The following RALGPS2 variants were observed in gnomAD, a reference collection of about 807,000 sequenced individuals.
The protein encoded by RALGPS2 is Ral GEF with PH domain and SH3 binding motif 2.
A neutral mutation model predicts 86.8 loss-of-function variants in RALGPS2; 43 were observed. The observed-to-expected ratio is 0.50, with a 90% CI of 0.39 to 0.64. The LOEUF (loss-of-function observed/expected upper bound fraction) is 0.64, where lower values mean the gene tolerates loss of function less well. RALGPS2 is among the 30% of genes least tolerant of loss of function. RALGPS2 has a pLI of 0.00. For synonymous variants in RALGPS2, 243 were observed against 231.3 expected (o/e 1.05, Z -0.46); for missense variants, 536 against 694.6 (o/e 0.77, Z 2.57).
intron 8 of RALGPS2, among the ~76,000 whole-genome samples, chr1:178,872,350 CAAGAAGA>C (rs1658804560): frequency 6.6e-6 from 1 of 152,146 alleles, no homozygotes; most frequent in Non-Finnish European, 1.5e-5. Flanking sequence ...CAAATGCTCA[CAAGAAGA>C]ATGGAGCAGG....
chr1:178,776,847 TAA>T, intron 2 of RALGPS2, 26 bp downstream of exon 2: 1 of 1,590,756 alleles, frequency 6.3e-7, no homozygotes, highest in Non-Finnish European at 8.6e-7. Context: ...AGCTTGGGTG[TAA>T]AGTTTCTTAC....
intron 4 of RALGPS2, among the ~76,000 whole-genome samples, chr1:178,794,321 T>C (rs1022865614): frequency 6.6e-6 from 1 of 152,182 alleles, no homozygotes; most frequent in Non-Finnish European, 1.5e-5. Flanking sequence ...TTTCACCATG[T>C]TGGCCAGGCT....
intron 19 of RALGPS2, among the ~76,000 whole-genome samples, chr1:178,910,826 AG>A (rs1417418556): frequency 6.6e-6 from 1 of 152,164 alleles, no homozygotes; most frequent in Non-Finnish European, 1.5e-5. Context: ...GAATATTTTC[AG>A]TAGGATTGGT....
intron 8 of RALGPS2, among the ~76,000 whole-genome samples, chr1:178,866,526 T>A (rs940923493): frequency 2.0e-5 from 3 of 152,196 alleles, no homozygotes; most frequent in Non-Finnish European, 2.9e-5. Flanking sequence ...AGCTTATAGA[T>A]AATTCAGCAG....
chr1:178,757,782 G>T (rs1405885927), intron 1 of RALGPS2, among the ~76,000 whole-genome samples: 1 of 152,132 alleles, frequency 6.6e-6, no homozygotes, highest in Non-Finnish European at 1.5e-5. Context: ...CCAGGTTTTG[G>T]TATCAAGGTG....
chr1:178,765,918 G>A (rs369112113), intron 1 of RALGPS2, among the ~76,000 whole-genome samples: 107 of 152,304 alleles, frequency 7.0e-4, no homozygotes, highest in Middle Eastern at 3.4e-3. Flanking sequence ...CCTGAACATC[G>A]CTGTTATCCT....
chr1:178,747,421 A>G, intron 1 of RALGPS2: 1 of 1,568,494 alleles, frequency 6.4e-7, no homozygotes, highest in South Asian at 1.1e-5. Flanking sequence ...AGAGCTTCAC[A>G]CTGAATCCTG....
At chr1:178,736,162 G>GTTTTTT in intron 1 of RALGPS2, among the ~76,000 whole-genome samples, 1 of 147,170 alleles carries the variant, frequency 6.8e-6, no homozygotes, top group Admixed American at 6.8e-5. Flanking sequence ...TAATTTGTGG[G>GTTTTTT]TTGTTTTTTT....
At chr1:178,859,137 C>G (rs1052850488) in intron 8 of RALGPS2, among the ~76,000 whole-genome samples, 21 of 110,466 alleles carry the variant, frequency 1.9e-4, no homozygotes, top group Non-Finnish European at 3.1e-4. Flanking sequence ...TTTAGCAACC[C>G]AAACTTTTAA....
chr1:178,771,090 C>T (rs555847540), intron 1 of RALGPS2, among the ~76,000 whole-genome samples: 1 of 152,174 alleles, frequency 6.6e-6, no homozygotes, highest in South Asian at 2.1e-4. Flanking sequence ...CCACCTGCCT[C>T]GGCCTCCCAA....
At chr1:178,815,993 C>T (rs1370029800) in intron 6 of RALGPS2, among the ~76,000 whole-genome samples, 1 of 152,108 alleles carries the variant, frequency 6.6e-6, no homozygotes, top group Non-Finnish European at 1.5e-5. Context: ...CTTATTAATG[C>T]ACATATTGTT....
chr1:178,853,029 C>G (rs1293333091), intron 8 of RALGPS2: 2 of 1,510,954 alleles, frequency 1.3e-6, no homozygotes, highest in Non-Finnish European at 1.8e-6. Context: ...CAGTGTTAAA[C>G]ATTCGATAGC....
At chr1:178,872,555 G>T (rs1221995336) in intron 8 of RALGPS2, among the ~76,000 whole-genome samples, 1 of 152,172 alleles carries the variant, frequency 6.6e-6, no homozygotes, top group East Asian at 1.9e-4. Flanking sequence ...GAGCCATTTA[G>T]ATTTTTCCTG....
At chr1:178,746,928 T>A in intron 1 of RALGPS2, 1 of 1,080,718 alleles carries the variant, frequency 9.3e-7, no homozygotes, top group Non-Finnish European at 1.4e-6. Flanking sequence ...GTCATTATTT[T>A]GTTTGGTGAA....
chr1:178,856,289 G>A lies in RALGPS2; in HGVS notation c.608-21209G>A, dbSNP rs914688745. ...GTTTCCCAGGCTGGAGTGCAGTGGT[G>A]TAGTCATAGCTCACCACAGCCTCGA... On this transcript the variant is annotated intron_variant, in intron 8 of 19. Transcript: ENST00000367635. Among the ~76,000 whole-genome samples, 8 of 142,956 alleles carry A rather than the reference G, an allele frequency of 5.6e-5. No homozygotes were observed. The East Asian group carries it at 1.4e-3, about 25-fold the overall frequency. The allele number at this position is 142,956 out of a possible 152,430, so 93.8% of individuals were successfully genotyped here. A position where few individuals can be genotyped will look rare whatever the true frequency, so the allele number is the denominator to read the frequency against.
At chr1:178,820,435 G>A (rs1229188789) in intron 6 of RALGPS2, among the ~76,000 whole-genome samples, 3 of 152,206 alleles carry the variant, frequency 2.0e-5, no homozygotes, top group Admixed American at 2.0e-4. Flanking sequence ...CTCATATTCA[G>A]CTTCCAGACA....
chr1:178,869,960 C>T (rs1320266200), intron 8 of RALGPS2, among the ~76,000 whole-genome samples: 2 of 152,024 alleles, frequency 1.3e-5, no homozygotes, highest in East Asian at 3.9e-4. Context: ...TATTTTTGGC[C>T]TTTTAGTCAT....
Position 178,728,024 on chromosome 1 carries a change from A to G in RALGPS2, c.-84+2605A>G, listed in dbSNP as rs980450701. Among the ~76,000 whole-genome samples the G allele has an allele frequency of 2.6e-5, 4 of 152,198 alleles. No homozygotes were observed. In the South Asian group the frequency reaches 6.2e-4, roughly 24 times the overall value. ...AGACAATTGTTTTTAGAATATGCCTATGTTTATATACTTTGGGTTTCTGGT... is the reference window on the plus strand; with the variant it reads ...AGACAATTGTTTTTAGAATATGCCTGTGTTTATATACTTTGGGTTTCTGGT... On this transcript the variant is annotated intron_variant, in intron 1 of 19. Coordinates refer to ENST00000367635, the MANE Select transcript of RALGPS2 (RefSeq NM_152663.5).
At chr1:178,742,851 A>G (rs975024451) in intron 1 of RALGPS2, among the ~76,000 whole-genome samples, 2 of 152,238 alleles carry the variant, frequency 1.3e-5, no homozygotes, top group African/African-American at 4.8e-5. Context: ...TAAATAATTT[A>G]TGGTTCAAGG....
Sources: gnomAD v4.1 joint callset for allele counts (sites outside exome capture counted in the v4.1 genomes callset) on GRCh38, gnomAD v4.1.1 for gene constraint, MANE v1.5 for transcripts, NCBI Gene and HGNC (gene_info 2026-07-23, HGNC 2026-07-21) for gene names.